Variants in RPS6KC1 observed in about 807,000 individuals in gnomAD.
The protein encoded by RPS6KC1 is inactive ribosomal protein S6 kinase delta-1.
In RPS6KC1, 54 loss-of-function variants were observed where a neutral mutation model predicts 103.8. That is an observed-to-expected ratio of 0.52 (90% CI 0.42 to 0.65). RPS6KC1 has a LOEUF of 0.65. RPS6KC1 is among the 30% of genes least tolerant of loss of function. The probability of loss-of-function intolerance (pLI) is 0.00; values close to 1 mark genes in which losing one functional copy is unlikely to be tolerated. For synonymous variants in RPS6KC1, 439 were observed against 438.7 expected, an observed-to-expected ratio of 1.00 and a Z score of -0.01; for missense variants, 1,151 against 1,253.8, an observed-to-expected ratio of 0.92 and a Z score of 1.24.
At chr1:213,772,954 C>T in the RPS6KC1 span, among the ~76,000 whole-genome samples, 1 of 152,150 alleles carries the variant, frequency 6.6e-6, no homozygotes, top group East Asian at 1.9e-4. Flanking sequence ...AGGCTTCTCC[C>T]AGACAGATGG....
At chr1:213,086,253 G>A (rs1461602406) in intron 3 of RPS6KC1, among the ~76,000 whole-genome samples, 2 of 152,172 alleles carry the variant, frequency 1.3e-5, no homozygotes, top group African/African-American at 4.8e-5. Flanking sequence ...TGTGTGGGAT[G>A]CCTAGTGGTA....
At chr1:213,669,145 C>T in the RPS6KC1 span, among the ~76,000 whole-genome samples, 1 of 152,200 alleles carries the variant, frequency 6.6e-6, no homozygotes, top group East Asian at 1.9e-4. Flanking sequence ...CAACTTGGCT[C>T]TTTGGCCCAA....
the RPS6KC1 span, among the ~76,000 whole-genome samples, chr1:213,543,137 G>T: frequency 6.6e-6 from 1 of 152,228 alleles, no homozygotes; most frequent in African/African-American, 2.4e-5. Flanking sequence ...GAGCTGGAAA[G>T]TGGTTACGGA....
rs71147063 is a variant in RPS6KC1, at chr1:213,259,734, AT to A, written c.2912-1803del. On this transcript the variant is annotated intron_variant, in intron 12 of 14. Coordinates refer to ENST00000366960, the MANE Select transcript of RPS6KC1 (RefSeq NM_012424.6). ...AGTATATGTAGGTGTTGTTTTTTTA[AT>A]TTTTTTTTTTTTTTTTTTTTGAGTT... Among the ~76,000 whole-genome samples, 425 of 97,920 alleles carry A rather than the reference AT, an allele frequency of 4.3e-3. 1 individual carries two copies. Among genetic ancestry groups the A allele is most frequent in the African/African-American group, 0.015 (385 of 26,362 alleles). The allele number at this position is 97,920 out of a possible 152,430, so 64.2% of individuals were successfully genotyped here.
chr1:213,196,888 G>T (rs942878272), intron 8 of RPS6KC1, among the ~76,000 whole-genome samples: 15 of 152,124 alleles, frequency 9.9e-5, no homozygotes, highest in Admixed American at 3.9e-4. Flanking sequence ...CCGGGCTGGG[G>T]TGCAATGGCG....
At chr1:213,683,187 TG>T in the RPS6KC1 span, among the ~76,000 whole-genome samples, 3 of 152,228 alleles carry the variant, frequency 2.0e-5, no homozygotes, top group Admixed American at 6.5e-5. Context: ...GATTTCTCTC[TG>T]GAATCTCATC....
the RPS6KC1 span, among the ~76,000 whole-genome samples, chr1:213,610,709 G>A: frequency 6.6e-6 from 1 of 152,186 alleles, no homozygotes; most frequent in Non-Finnish European, 1.5e-5. Context: ...CCCTCATCCT[G>A]GATGGCAGGA....
the RPS6KC1 span, among the ~76,000 whole-genome samples, chr1:213,563,970 C>T: frequency 2.7e-5 from 2 of 74,198 alleles, no homozygotes; most frequent in East Asian, 3.1e-4. Flanking sequence ...TTTTGCTTAC[C>T]TCTTTTTTTT....
At chr1:213,554,362 A>T in the RPS6KC1 span, among the ~76,000 whole-genome samples, 1 of 151,998 alleles carries the variant, frequency 6.6e-6, no homozygotes, top group Non-Finnish European at 1.5e-5. Context: ...TTTCTCTAAC[A>T]TGTTCCATTG....
the RPS6KC1 span, among the ~76,000 whole-genome samples, chr1:213,466,560 T>G: frequency 2.0e-5 from 3 of 152,214 alleles, no homozygotes; most frequent in African/African-American, 7.2e-5. Context: ...GAGATGACAT[T>G]ATTCATTCTG....
chr1:213,783,815 C>CAAAAAAAAAAAAAA, the RPS6KC1 span, among the ~76,000 whole-genome samples: 16 of 65,996 alleles, frequency 2.4e-4, no homozygotes, highest in African/African-American at 5.9e-4. Flanking sequence ...AAGATGTTGC[C>CAAAAAAAAAAAAAA]AAAAAAAAAA....
the RPS6KC1 span, among the ~76,000 whole-genome samples, chr1:213,476,770 A>G: frequency 6.6e-6 from 1 of 151,956 alleles, no homozygotes; most frequent in South Asian, 2.1e-4. Context: ...CCCTTGTGCT[A>G]TTTTCCTGTT....
At chr1:213,425,054 C>T in the RPS6KC1 span, among the ~76,000 whole-genome samples, 1 of 152,124 alleles carries the variant, frequency 6.6e-6, no homozygotes. Context: ...GAGGAGCCGC[C>T]ATGTAGCAGG....
Position 213,150,588 on chromosome 1 carries a change from T to C in RPS6KC1, c.836-17270T>C, listed in dbSNP as rs1278765494. On this transcript the variant is annotated intron_variant, in intron 6 of 14. Transcript: ENST00000366960. ...GCACCGCCCTTAATCCATTCAACCC[T>C]GAGTGGACACAGCACATGTTTCAGA... Among the ~76,000 whole-genome samples the C allele has an allele frequency of 2.6e-5, 4 of 151,410 alleles. No homozygotes were observed. In the East Asian group the frequency reaches 5.8e-4, roughly 22 times the overall value.
chr1:213,229,466 T>C (rs1367481470), intron 8 of RPS6KC1, among the ~76,000 whole-genome samples: 4 of 152,172 alleles, frequency 2.6e-5, no homozygotes, highest in Non-Finnish European at 5.9e-5. Context: ...CCTCCTCCCA[T>C]GGCCAATTTC....
the RPS6KC1 span, among the ~76,000 whole-genome samples, chr1:213,649,979 C>T: frequency 6.6e-6 from 1 of 152,174 alleles, no homozygotes; most frequent in Non-Finnish European, 1.5e-5. Context: ...TTCTTCCTCA[C>T]AGCAACTGAG....
chr1:213,484,593 T>C, the RPS6KC1 span, among the ~76,000 whole-genome samples: 1 of 152,348 alleles, frequency 6.6e-6, no homozygotes, highest in Non-Finnish European at 1.5e-5. Context: ...AGATACGTTA[T>C]ACTCTATTCA....
chr1:213,250,951 C>T (rs1471349471), intron 12 of RPS6KC1, among the ~76,000 whole-genome samples: 2 of 152,072 alleles, frequency 1.3e-5, no homozygotes, highest in East Asian at 3.8e-4. Flanking sequence ...TACAAATGAT[C>T]TCACCAGCCC....
chr1:213,542,373 C>T, the RPS6KC1 span, among the ~76,000 whole-genome samples: 2,263 of 152,302 alleles, frequency 0.015, 27 homozygotes, highest in South Asian at 0.032. Flanking sequence ...GTCCCCCTCC[C>T]GCTGGGGGAG....
Sources: gnomAD v4.1 joint callset for allele counts (sites outside exome capture counted in the v4.1 genomes callset) on GRCh38, gnomAD v4.1.1 for gene constraint, MANE v1.5 for transcripts, NCBI Gene and HGNC (gene_info 2026-07-23, HGNC 2026-07-21) for gene names.